Variants in ALCAM observed in about 807,000 individuals in gnomAD.
ALCAM encodes activated leukocyte cell adhesion molecule, also known as CD166 antigen.
A neutral mutation model predicts 70.9 loss-of-function variants in ALCAM; 30 were observed. That is an observed-to-expected ratio of 0.42 (90% CI 0.32 to 0.57). The LOEUF is 0.57. Among genes scored for constraint, ALCAM ranks in the 20% least tolerant of loss-of-function variants. The probability of loss-of-function intolerance (pLI) is 0.11; values close to 1 mark genes in which losing one functional copy is unlikely to be tolerated. For missense variants in ALCAM, 591 were observed against 695.1 expected (o/e 0.85, Z 1.68); for synonymous variants, 249 against 242.5 (o/e 1.03, Z -0.25).
At chr3:105,399,406 A>T (rs556581755) in intron 1 of ALCAM, among the ~76,000 whole-genome samples, 21 of 152,250 alleles carry the variant, frequency 1.4e-4, no homozygotes, top group African/African-American at 4.8e-4. Context: ...TCAAAATGTC[A>T]TATTACATCA....
At chr3:105,508,867 T>C (rs1225402544) in intron 1 of ALCAM, among the ~76,000 whole-genome samples, 5 of 152,046 alleles carry the variant, frequency 3.3e-5, no homozygotes, top group Non-Finnish European at 7.4e-5. Flanking sequence ...TTGACCAACA[T>C]CTCCCCACTT....
At chr3:105,452,973 A>G (rs1937471590) in intron 1 of ALCAM, among the ~76,000 whole-genome samples, 1 of 151,926 alleles carries the variant, frequency 6.6e-6, no homozygotes, top group African/African-American at 2.4e-5. Context: ...TGGATATTAG[A>G]CCTTTGTCAG....
chr3:105,523,239 G>A (rs1559820762), intron 2 of ALCAM, among the ~76,000 whole-genome samples: 1 of 151,152 alleles, frequency 6.6e-6, no homozygotes, highest in African/African-American at 2.4e-5. Flanking sequence ...TTGAATAAGG[G>A]GATGATGAAT....
At chr3:105,435,101 A>G (rs1034677944) in intron 1 of ALCAM, among the ~76,000 whole-genome samples, 1 of 152,222 alleles carries the variant, frequency 6.6e-6, no homozygotes, top group Admixed American at 6.5e-5. Context: ...ATACAGGTTA[A>G]TGACTCCTCA....
intron 1 of ALCAM, among the ~76,000 whole-genome samples, chr3:105,376,541 G>T (rs1935382903): frequency 6.6e-6 from 1 of 152,128 alleles, no homozygotes; most frequent in Admixed American, 6.6e-5. Context: ...TGTGCTTGAG[G>T]ATATGGAAAT....
chr3:105,424,532 G>A (rs2107422896), intron 1 of ALCAM, among the ~76,000 whole-genome samples: 1 of 151,814 alleles, frequency 6.6e-6, no homozygotes, highest in South Asian at 2.1e-4. Flanking sequence ...TTTTAGAGTT[G>A]TGGGTAGGTA....
rs1267040227 is a variant in ALCAM at position 105,533,703 on chromosome 3, G to T, written c.547+13G>T. The stretch of plus-strand genomic sequence containing the variant: ...CCCCTTGAAGGAGGTGGGTGTGAGG[G>T]CAGGAGGACAGGGAGTACATTCAGA... On this transcript the variant is annotated intron_variant, in intron 5 of 15. Transcript: ENST00000306107. The T allele has an allele frequency of 1.2e-6, 2 of 1,607,910 alleles. No individual in the cohort carries two copies. Among genetic ancestry groups the T allele is most frequent in the Non-Finnish European group, 1.7e-6 (2 of 1,175,384 alleles).
intron 1 of ALCAM, among the ~76,000 whole-genome samples, chr3:105,475,673 G>A (rs1448673159): frequency 1.3e-5 from 2 of 151,880 alleles, no homozygotes; most frequent in Admixed American, 1.3e-4. Flanking sequence ...ATTTGAATAA[G>A]TTTAAGGAAA....
intron 1 of ALCAM, among the ~76,000 whole-genome samples, chr3:105,512,676 T>C (rs1042810776): frequency 2.0e-5 from 3 of 151,856 alleles, no homozygotes; most frequent in Non-Finnish European, 1.5e-5. Context: ...CTAGACTAAA[T>C]TGAAGAAAAT....
intron 1 of ALCAM, among the ~76,000 whole-genome samples, chr3:105,464,837 T>C (rs1330922715): frequency 6.6e-6 from 1 of 151,300 alleles, no homozygotes; most frequent in Non-Finnish European, 1.5e-5. Context: ...CATAAAGATC[T>C]TAGTGGTAGG....
At chr3:105,375,179 A>T (rs989312499) in intron 1 of ALCAM, among the ~76,000 whole-genome samples, 2 of 152,178 alleles carry the variant, frequency 1.3e-5, no homozygotes, top group African/African-American at 4.8e-5. Context: ...CTTGCTTAAT[A>T]TGCATATTAT....
At chr3:105,518,128 C>G (rs984468402) in intron 1 of ALCAM, among the ~76,000 whole-genome samples, 2 of 152,014 alleles carry the variant, frequency 1.3e-5, no homozygotes, top group African/African-American at 4.8e-5. Flanking sequence ...TCTTATTTCC[C>G]TTTACCTGGC....
intron 1 of ALCAM, among the ~76,000 whole-genome samples, chr3:105,436,145 C>G (rs1937043956): frequency 6.6e-6 from 1 of 152,150 alleles, no homozygotes; most frequent in South Asian, 2.1e-4. Context: ...CATCTCCCAC[C>G]AGGTCCTTCC....
intron 1 of ALCAM, among the ~76,000 whole-genome samples, chr3:105,457,825 T>C (rs1937553844): frequency 6.6e-6 from 1 of 152,110 alleles, no homozygotes; most frequent in Admixed American, 6.5e-5. Flanking sequence ...TCTCCACAGC[T>C]TCCCACATGT....
chr3:105,542,374 G>C lies in ALCAM; in HGVS notation c.991+609G>C, dbSNP rs549359227. On this transcript the variant is annotated intron_variant, in intron 8 of 15. Transcript: ENST00000306107. ...TACTCCAAAAATTATATTTGCCTCG[G>C]TGTAACAGAAAAAGACACATGTAAA... Among the ~76,000 whole-genome samples, 7 of 151,868 alleles carry C rather than the reference G, an allele frequency of 4.6e-5. No individual in the cohort carries two copies. The East Asian group carries it at 1.4e-3, about 30-fold the overall frequency.
At chr3:105,391,044 G>C (rs917863659) in intron 1 of ALCAM, among the ~76,000 whole-genome samples, 5 of 152,028 alleles carry the variant, frequency 3.3e-5, no homozygotes, top group Non-Finnish European at 7.4e-5. Context: ...CTCCAGCTTT[G>C]TTCTTTTTGC....
intron 1 of ALCAM, among the ~76,000 whole-genome samples, chr3:105,411,438 GGTA>G (rs1254113368): frequency 6.6e-6 from 1 of 152,130 alleles, no homozygotes; most frequent in South Asian, 2.1e-4. Flanking sequence ...CAGTGGAAGT[GGTA>G]GTAGTAGCAG....
intron 1 of ALCAM, among the ~76,000 whole-genome samples, chr3:105,406,874 T>C (rs1429536588): frequency 6.6e-6 from 1 of 152,040 alleles, no homozygotes; most frequent in Non-Finnish European, 1.5e-5. Flanking sequence ...ACGGGAGATA[T>C]TGCAACTGAC....
intron 14 of ALCAM, among the ~76,000 whole-genome samples, chr3:105,561,439 C>A (rs1183097313): frequency 6.6e-6 from 1 of 152,080 alleles, no homozygotes; most frequent in Non-Finnish European, 1.5e-5. Flanking sequence ...AGAATGGACA[C>A]CTTTGCGTGT....
Sources: gnomAD v4.1 joint callset for allele counts (sites outside exome capture counted in the v4.1 genomes callset) on GRCh38, gnomAD v4.1.1 for gene constraint, MANE v1.5 for transcripts, NCBI Gene and HGNC (gene_info 2026-07-23, HGNC 2026-07-21) for gene names.